ATPAF2: variants seen among roughly 807,000 people sequenced by gnomAD.
ATPAF2 encodes ATP synthase mitochondrial F1 complex assembly factor 2.
Under a neutral mutation model 36.6 loss-of-function variants are expected in ATPAF2, and 30 were observed. The ratio of observed to expected loss-of-function variants is 0.82; its 90% CI spans 0.61 to 1.11. The LOEUF (loss-of-function observed/expected upper bound fraction) is 1.11. Among genes scored for constraint, ATPAF2 ranks in the 50% most tolerant of loss-of-function variants. The pLI, the probability that ATPAF2 is intolerant of heterozygous loss-of-function variation, is 0.00. For missense variants in ATPAF2, 321 were observed against 372.3 expected (o/e 0.86, Z 1.13); for synonymous variants, 140 against 152.6 (o/e 0.92, Z 0.61).
At chr17:18,028,766 G>T in intron 1 of ATPAF2, 107 bp from the exon 2 acceptor site, 1 of 1,041,094 alleles carries the variant, frequency 9.6e-7, no homozygotes, top group Non-Finnish European at 1.5e-6. Flanking sequence ...TGATTGGCTT[G>T]ATTTTCATAT....
intron 3 of ATPAF2, 146 bp downstream of exon 3, chr17:18,028,086 G>T: frequency 1.1e-6 from 1 of 927,280 alleles, no homozygotes; most frequent in Admixed American, 1.8e-5. Context: ...AGTTTAGCAC[G>T]TTAGTGACTT....
chr17:18,028,113 CT>C, intron 3 of ATPAF2, 118 bp downstream of exon 3: 2 of 1,254,626 alleles, frequency 1.6e-6, no homozygotes. Context: ...AGGTGAATCC[CT>C]GGGGGCCAGA....
intron 1 of ATPAF2, among the ~76,000 whole-genome samples, chr17:18,029,849 A>G (rs929292889): frequency 1.5e-5 from 2 of 136,880 alleles, no homozygotes; most frequent in Non-Finnish European, 1.5e-5. Context: ...GTGAGCCACC[A>G]TGCCCGGCCA....
chr17:18,019,619 C>T (rs1294492107), intron 7 of ATPAF2, among the ~76,000 whole-genome samples: 1 of 152,240 alleles, frequency 6.6e-6, no homozygotes, highest in Non-Finnish European at 1.5e-5. Context: ...CTCAGACACA[C>T]GATGTGGCTG....
At chr17:18,032,787 T>C (rs2044654823) in intron 1 of ATPAF2, among the ~76,000 whole-genome samples, 1 of 151,628 alleles carries the variant, frequency 6.6e-6, no homozygotes, top group Non-Finnish European at 1.5e-5. Flanking sequence ...CAGAATTAAA[T>C]TGCAACTTGA....
chr17:18,022,838 G>A (rs992194265), intron 5 of ATPAF2, among the ~76,000 whole-genome samples: 2 of 151,870 alleles, frequency 1.3e-5, no homozygotes, highest in African/African-American at 2.4e-5. Context: ...AAAAAAATCC[G>A]GCTGGGGCCG....
At chr17:18,019,510 T>G (rs1359183884) in intron 7 of ATPAF2, among the ~76,000 whole-genome samples, 1 of 152,268 alleles carries the variant, frequency 6.6e-6, no homozygotes, top group African/African-American at 2.4e-5. Context: ...CAACTCTGAC[T>G]CTTGTGGTAG....
intron 4 of ATPAF2, 154 bp downstream of exon 4, chr17:18,026,165 G>T (rs1355164277): frequency 1.3e-6 from 1 of 743,382 alleles, no homozygotes; most frequent in African/African-American, 1.7e-5. Context: ...TCCTCCTAAG[G>T]GGCTACAGAG....
chr17:18,030,506 T>G (rs2044613306), intron 1 of ATPAF2, among the ~76,000 whole-genome samples: 1 of 124,950 alleles, frequency 8.0e-6, no homozygotes, highest in Non-Finnish European at 1.6e-5. Context: ...AGACCCTGTC[T>G]CTTGGGGAAA....
Position 18,038,949 on chromosome 17 carries a change from C to T in ATPAF2, c.65G>A (p.Gly22Asp), listed in dbSNP as rs2145535845. Residue 22 changes from glycine (G) to aspartate (D), a missense_variant, in exon 1 of 8, where the codon GGC becomes GAC. This residue lies in a region of ATPAF2 where 69 missense variants were observed against 60.1 expected (regional missense o/e 1.15). Coordinates refer to ENST00000474627, the MANE Select transcript of ATPAF2 (RefSeq NM_145691.4). ...GRRLLNRPAG[G>D]PSASMSPGPT... is the part of the protein sequence containing the mutation. ...CCCCGGACTCATAGAAGCGCTGGGG[C>T]CACCCGCCGGCCGATTCAGGAGACG... 5.0e-6 allele frequency: 8 copies of T among 1,598,994 alleles called. No homozygotes were observed. The highest frequency in any genetic ancestry group is 6.8e-6 in the Non-Finnish European group (8 of 1,174,762).
At chr17:18,017,045 A>C (rs1041195917), downstream of ATPAF2, among the ~76,000 whole-genome samples, 2 of 151,670 alleles carry the variant, frequency 1.3e-5, no homozygotes, top group Non-Finnish European at 2.9e-5. Flanking sequence ...GGTAGCGTGC[A>C]CCTGTAATCC....
At position 18,021,195 on chromosome 17, in the gene ATPAF2, G is replaced by C; in HGVS notation, c.660C>G (p.Thr220=). The C allele has an allele frequency of 6.2e-7, 1 of 1,613,994 alleles. No homozygotes were observed. The highest frequency in any genetic ancestry group is 8.5e-7 in the Non-Finnish European group (1 of 1,179,994). Reference sequence around the variant, plus strand: ...TCAGGCGCAGGTCAATCAGGCCCAAGGTTAGCACCATGGACTTGAGCTGGG... The same window carrying C: ...TCAGGCGCAGGTCAATCAGGCCCAACGTTAGCACCATGGACTTGAGCTGGG... ...VAAQLKSMVL[T]LGLIDLRLTV... The change falls in exon 7 of 8, where the codon ACC becomes ACG. Residue 220 remains threonine, a synonymous_variant. Coordinates refer to ENST00000474627, the MANE Select transcript of ATPAF2 (RefSeq NM_145691.4).
chr17:18,021,965 G>A (rs559794420), intron 5 of ATPAF2, 108 bp from the exon 6 acceptor site: 18 of 956,754 alleles, frequency 1.9e-5, no homozygotes, highest in African/African-American at 3.2e-5. Context: ...GTGTGCATTG[G>A]CCAAGGAGCT....
At chr17:18,031,843 C>CTATGGG (rs2044641238) in intron 1 of ATPAF2, among the ~76,000 whole-genome samples, 3 of 152,174 alleles carry the variant, frequency 2.0e-5, no homozygotes, top group African/African-American at 7.2e-5. Context: ...TGTTGTCTTA[C>CTATGGG]TATGGCACCT....
At chr17:18,029,366 A>G (rs2044594530) in intron 1 of ATPAF2, among the ~76,000 whole-genome samples, 2 of 152,240 alleles carry the variant, frequency 1.3e-5, no homozygotes, top group African/African-American at 4.8e-5. Flanking sequence ...AGATTCCCTC[A>G]ACTGATAACA....
At chr17:18,036,829 T>C (rs2044709888) in intron 1 of ATPAF2, among the ~76,000 whole-genome samples, 1 of 152,194 alleles carries the variant, frequency 6.6e-6, no homozygotes, top group African/African-American at 2.4e-5. Flanking sequence ...TCCCAGCATT[T>C]GGGAGGCTGA....
chr17:18,034,322 T>C (rs1239883326), intron 1 of ATPAF2, among the ~76,000 whole-genome samples: 1 of 151,424 alleles, frequency 6.6e-6, no homozygotes, highest in Non-Finnish European at 1.5e-5. Context: ...TGAGGCTCGC[T>C]TGAGCCCAGG....
chr17:18,016,447 G>A (rs181952800), downstream of ATPAF2: 14 of 838,442 alleles, frequency 1.7e-5, no homozygotes, highest in African/African-American at 2.2e-4. Context: ...TGAAGCAAAT[G>A]AGGTTTGCAG....
Position 18,021,796 on chromosome 17 carries a change from G to C in ATPAF2, c.565C>G (p.Arg189Gly), listed in dbSNP as rs141827488. The C allele has an allele frequency of 1.2e-6, 2 of 1,614,150 alleles. No individual in the cohort carries two copies. The highest frequency in any genetic ancestry group is 1.7e-6 in the Non-Finnish European group (2 of 1,180,024). ...GCCAGGTGGCTGACGAGCACCTCCC[G>C]AGTTTTGGCAGGGATGCTGGGTCCC... ...IMGPSIPAKT[R>G]EVLVSHLASY... The change falls in exon 6 of 8, where the codon CGG becomes GGG. Residue 189 changes from arginine (R) to glycine (G), a missense_variant. This residue lies in a region of ATPAF2 where 199 missense variants were observed against 220.6 expected (regional missense o/e 0.90). Coordinates refer to ENST00000474627, the MANE Select transcript of ATPAF2 (RefSeq NM_145691.4).
Sources: allele counts gnomAD v4.1 joint callset (sites outside exome capture counted in the v4.1 genomes callset), GRCh38; gene constraint gnomAD v4.1.1; regional missense constraint gnomAD v4.1.1; transcripts MANE v1.5; gene names NCBI Gene and HGNC (gene_info 2026-07-23, HGNC 2026-07-21).